Variants in AP1M2 observed in about 807,000 individuals in gnomAD.
The protein encoded by AP1M2 is AP-1 complex subunit mu-2.
A neutral mutation model predicts 54.6 loss-of-function variants in AP1M2; 41 were observed. The ratio of observed to expected loss-of-function variants is 0.75; its 90% CI spans 0.59 to 0.97. The LOEUF is 0.97. AP1M2 is among the 50% of genes least tolerant of loss of function. The pLI is 0.00. For missense variants in AP1M2, 507 were observed against 561.2 expected (o/e 0.90, Z 0.98); for synonymous variants, 219 against 215.9 (o/e 1.01, Z -0.13).
At chr19:10,579,109 G>C (rs527924954) in intron 7 of AP1M2, 146 bp from the exon 8 acceptor site, 1 of 528,348 alleles carries the variant, frequency 1.9e-6, no homozygotes, top group African/African-American at 2.0e-5. Context: ...ACTGCAACCT[G>C]CACCTCCTGG....
In AP1M2 at chr19:10,583,600, A is replaced by T; in HGVS notation, c.267+6T>A. 1 of 1,603,086 alleles carries T rather than the reference A, an allele frequency of 6.2e-7. No individual in the cohort carries two copies. Among genetic ancestry groups the T allele is most frequent in the South Asian group, 1.1e-5 (1 of 90,684 alleles). On this transcript the variant is annotated splice_donor_region_variant and intron_variant, in intron 3 of 11. Transcript: ENST00000250244. ...ACCAGTTAGCCAATGGGAGGCTAGT[A>T]CCTACCTCTATTGTCTTATACAGGA...
At chr19:10,579,883 G>A in intron 6 of AP1M2, 25 bp from the exon 7 acceptor site, 2 of 1,567,274 alleles carry the variant, frequency 1.3e-6, no homozygotes, top group East Asian at 2.3e-5. Context: ...GGAGAGTGGA[G>A]AGTGACCCTG....
chr19:10,574,385 CCCCATTGTCCCCAGGAGCT>C lies in AP1M2; in HGVS notation c.1249+13_1249+31del. 2.6e-6 allele frequency: 4 copies of C among 1,516,984 alleles called. No homozygotes were observed. Among genetic ancestry groups the C allele is most frequent in the Non-Finnish European group, 3.6e-6 (4 of 1,125,926 alleles). 94.0% of individuals were successfully genotyped at this position (1,516,984 alleles called of 1,614,324 possible). Reference sequence around the variant, plus strand: ...GTCCCTACCCACTGCCTTTCCCTCACCCCATTGTCCCCAGGAGCTGGGCTGCCTTACCGCCACTCTGGGT... The same window carrying C: ...GTCCCTACCCACTGCCTTTCCCTCACGGGCTGCCTTACCGCCACTCTGGGT... On this transcript the variant is annotated intron_variant, in intron 11 of 11. Transcript: ENST00000250244.
chr19:10,574,797 G>A, intron 10 of AP1M2, 107 bp downstream of exon 10: 1 of 1,380,752 alleles, frequency 7.2e-7, no homozygotes, highest in South Asian at 1.5e-5. Context: ...AGCCTTCAGA[G>A]GAGTGTTGAC....
At position 10,579,772 on chromosome 19, in the gene AP1M2, A is replaced by T. The variant is rs772126585; in HGVS notation, c.760T>A (p.Ser254Thr). The T allele has an allele frequency of 4.3e-6, 7 of 1,613,944 alleles. No homozygotes were observed. The highest frequency in any genetic ancestry group is 3.4e-6 in the Non-Finnish European group (4 of 1,179,894). ...LSRFDNDRTI[S>T]FIPPDGDFEL... ...AAGTCACCATCAGGCGGGATGAAGG[A>T]GATGGTGCGGTCGTTGTCAAAGCGA... Residue 254 changes from serine (S) to threonine (T), a missense_variant, in exon 7 of 12, where the codon TCC becomes ACC. Ser to Thr is a moderately conservative substitution (Grantham distance 58). Transcript: ENST00000250244.
At chr19:10,578,986 G>C (rs1917339082) in intron 7 of AP1M2, 23 bp from the exon 8 acceptor site, 5 of 1,417,216 alleles carry the variant, frequency 3.5e-6, no homozygotes, top group Non-Finnish European at 4.9e-6. Flanking sequence ...GAAGGGGAGA[G>C]TTCTTGGAGA....
chr19:10,578,852 G>A (rs898090410), intron 8 of AP1M2, 40 bp downstream of exon 8: 17 of 1,522,478 alleles, frequency 1.1e-5, no homozygotes, highest in South Asian at 5.9e-5. Flanking sequence ...GCACCCACCC[G>A]AGATCATGCA....
At chr19:10,587,141 G>A (rs2144776339) in intron 1 of AP1M2, 49 bp downstream of exon 1, 1 of 1,546,206 alleles carries the variant, frequency 6.5e-7, no homozygotes, top group East Asian at 2.5e-5. Context: ...GAATCCCTGG[G>A]AGCGAGACCT....
In AP1M2 at chr19:10,583,627, G is replaced by A; in HGVS notation, c.246C>T (p.Ser82=). The A allele has an allele frequency of 6.2e-7, 1 of 1,613,080 alleles. No homozygotes were observed. The part of the protein sequence containing the change: ...SKNANASLVY[S]FLYKTIEVFC... ...CTACCTCTATTGTCTTATACAGGAA[G>A]GAGTACACCAGGGAGGCATTGGCAT... Residue 82 remains serine (S), a synonymous_variant, in exon 3 of 12, where the codon TCC becomes TCT. Transcript: ENST00000250244.
At chr19:10,576,128 G>A (rs1917226002) in intron 9 of AP1M2, among the ~76,000 whole-genome samples, 1 of 144,150 alleles carries the variant, frequency 6.9e-6, no homozygotes. Context: ...GTTTCACTCT[G>A]TCACCCAGGC....
chr19:10,574,894 C>T lies in AP1M2; in HGVS notation c.1173+10G>A. On this transcript the variant is annotated intron_variant, in intron 10 of 11. Transcript: ENST00000250244. ...TCAAGGGGAGGATCCTCCCTGCCTG[C>T]TTCTCTCACCTGGATCCCAGAGACG... 1 of 1,600,332 alleles carries T rather than the reference C, an allele frequency of 6.2e-7. No individual in the cohort carries two copies. The highest frequency in any genetic ancestry group is 8.5e-7 in the Non-Finnish European group (1 of 1,173,174).
chr19:10,575,175 G>C, intron 9 of AP1M2, 146 bp from the exon 10 acceptor site: 12 of 945,536 alleles, frequency 1.3e-5, no homozygotes, highest in Non-Finnish European at 1.7e-5. Flanking sequence ...AACATATTGA[G>C]ATACCATGTC....
Position 10,583,602 on chromosome 19 carries a change from C to CT in AP1M2, c.267+3dup. 6.2e-7 allele frequency: 1 copy of CT among 1,604,630 alleles called. No homozygotes were observed. The highest frequency in any genetic ancestry group is 1.1e-5 in the South Asian group (1 of 90,746). ...CAGTTAGCCAATGGGAGGCTAGTAC[C>CT]TACCTCTATTGTCTTATACAGGAAG... is the stretch of plus-strand genomic sequence containing the variant. On this transcript the variant is annotated splice_donor_region_variant and intron_variant, in intron 3 of 11. Transcript: ENST00000250244.
At chr19:10,580,002 G>A in intron 6 of AP1M2, 144 bp from the exon 7 acceptor site, 1 of 568,450 alleles carries the variant, frequency 1.8e-6, no homozygotes, top group Non-Finnish European at 2.8e-6. Flanking sequence ...TGGCACAGTA[G>A]AGCTGGAATC....
chr19:10,586,469 A>T (rs986784905), intron 1 of AP1M2, among the ~76,000 whole-genome samples: 5 of 150,866 alleles, frequency 3.3e-5, no homozygotes, highest in Non-Finnish European at 5.9e-5. Context: ...AAAAAAAAAA[A>T]AAAAATTAAA....
intron 6 of AP1M2, 86 bp from the exon 7 acceptor site, chr19:10,579,944 C>T: frequency 7.3e-7 from 1 of 1,371,648 alleles, no homozygotes; most frequent in South Asian, 1.5e-5. Context: ...CCACTGTCAC[C>T]TATTTCACAT....
At position 10,581,258 on chromosome 19, in the gene AP1M2, A is replaced by G; in HGVS notation, c.673+8T>C. The G allele has an allele frequency of 2.5e-6, 4 of 1,610,262 alleles. No individual in the cohort carries two copies. Among genetic ancestry groups the G allele is most frequent in the Non-Finnish European group, 3.4e-6 (4 of 1,177,516 alleles). ...ATTTCTCAGAAGAAAGGTCCCCTAAATGCTTACGGCCAGTGAGCTCGAAGA... is the reference window on the plus strand; with the variant it reads ...ATTTCTCAGAAGAAAGGTCCCCTAAGTGCTTACGGCCAGTGAGCTCGAAGA... On this transcript the variant is annotated splice_region_variant and intron_variant, in intron 6 of 11. Coordinates refer to ENST00000250244, the MANE Select transcript of AP1M2 (RefSeq NM_005498.5).
chr19:10,577,391 C>A (rs922117184), intron 8 of AP1M2, 35 bp from the exon 9 acceptor site: 2 of 1,164,368 alleles, frequency 1.7e-6, no homozygotes, highest in Non-Finnish European at 1.2e-6. Context: ...ACGAAGAATT[C>A]GCTTGCTCAT....
chr19:10,574,018 G>C (rs1002514696), intron 11 of AP1M2, among the ~76,000 whole-genome samples: 1 of 151,638 alleles, frequency 6.6e-6, no homozygotes, highest in Non-Finnish European at 1.5e-5. Context: ...GACAAGAAGG[G>C]GCAGTTTGCT....
Sources: gnomAD v4.1 joint callset for allele counts (sites outside exome capture counted in the v4.1 genomes callset) on GRCh38, gnomAD v4.1.1 for gene constraint, MANE v1.5 for transcripts, NCBI Gene and HGNC (gene_info 2026-07-23, HGNC 2026-07-21) for gene names.